ZNF69: variants seen among roughly 807,000 people sequenced by gnomAD.
The protein encoded by ZNF69 is ZNF3.
In ZNF69, 47 loss-of-function variants were observed where a neutral mutation model predicts 50.9. That is an observed-to-expected ratio of 0.92 (90% CI 0.73 to 1.18). The LOEUF (loss-of-function observed/expected upper bound fraction) is 1.18, where lower values mean the gene tolerates loss of function less well. Ranked by LOEUF, ZNF69 falls within the 50% of genes most tolerant of loss-of-function variation. The probability of loss-of-function intolerance (pLI) is 0.00; values close to 1 mark genes in which losing one functional copy is unlikely to be tolerated. For missense variants in ZNF69, 717 were observed against 675.1 expected, an observed-to-expected ratio of 1.06 and a Z score of -0.69; for synonymous variants, 216 against 223.1, an observed-to-expected ratio of 0.97 and a Z score of 0.29.
chr19:11,974,657 C>T, the ZNF69 span, among the ~76,000 whole-genome samples: 3 of 151,820 alleles, frequency 2.0e-5, no homozygotes, highest in East Asian at 3.9e-4. Context: ...GGCTGGAGTG[C>T]GGGGGCATGA....
chr19:11,932,090 T>C, the ZNF69 span, among the ~76,000 whole-genome samples: 157 of 147,408 alleles, frequency 1.1e-3, 18 homozygotes, highest in Admixed American at 2.8e-3. Flanking sequence ...GCCATTGCAC[T>C]TCAGCCCAGG....
In ZNF69 at chr19:11,896,975, T is replaced by A. The variant is rs1972135686; in HGVS notation, c.64-6598T>A. ...CATTTATTTCATTTTATATTGATGTTTTTCAGTGTAGACTTTTTGCATAAT... is the reference window on the plus strand; with the variant it reads ...CATTTATTTCATTTTATATTGATGTATTTCAGTGTAGACTTTTTGCATAAT... On this transcript the variant is annotated intron_variant, in intron 1 of 3. Transcript: ENST00000429654. 2.0e-5 allele frequency among the ~76,000 whole-genome samples: 3 copies of A among 152,330 alleles called. No homozygotes were observed. In the South Asian group the frequency reaches 6.2e-4, roughly 32 times the overall value.
At chr19:11,944,986 C>G in the ZNF69 span, among the ~76,000 whole-genome samples, 1 of 152,244 alleles carries the variant, frequency 6.6e-6, no homozygotes, top group Non-Finnish European at 1.5e-5. Flanking sequence ...CCTGTCCTCC[C>G]TCTGCCTGGA....
At chr19:11,964,390 T>A in the ZNF69 span, among the ~76,000 whole-genome samples, 1 of 152,142 alleles carries the variant, frequency 6.6e-6, no homozygotes, top group African/African-American at 2.4e-5. Context: ...ATAAAGAGAA[T>A]GTGTGAATAT....
rs567916284 is a variant in ZNF69 at position 11,903,612 on chromosome 19, CAGG to C, written c.109_111del (p.Glu37del). 9 of 1,614,018 alleles carry C rather than the reference CAGG, an allele frequency of 5.6e-6. No homozygotes were observed. The highest frequency in any genetic ancestry group is 1.3e-5 in the African/African-American group (1 of 74,912). On this transcript the variant is annotated inframe_deletion, in exon 2 of 4. Coordinates refer to ENST00000429654, the MANE Select transcript of ZNF69 (RefSeq NM_001364730.1). The stretch of plus-strand genomic sequence containing the variant: ...TGATGATGTTGCTGTGAACTTCACC[CAGG>C]AGGAGTGGGCTTTGCTGGATATTTC...
intron 1 of ZNF69, among the ~76,000 whole-genome samples, chr19:11,889,760 G>A (rs1273532814): frequency 6.6e-6 from 1 of 152,206 alleles, no homozygotes; most frequent in Non-Finnish European, 1.5e-5. Flanking sequence ...GCGAGGACCT[G>A]CACCGGCGCT....
intron 1 of ZNF69, among the ~76,000 whole-genome samples, chr19:11,897,600 C>T (rs1972153192): frequency 2.0e-5 from 3 of 147,536 alleles, no homozygotes; most frequent in South Asian, 2.1e-4. Flanking sequence ...GAGTCAGGTG[C>T]GGTAGCTCAC....
the ZNF69 span, among the ~76,000 whole-genome samples, chr19:11,959,283 A>G: frequency 6.6e-6 from 1 of 152,218 alleles, no homozygotes; most frequent in Non-Finnish European, 1.5e-5. Context: ...AGAAGGAAAT[A>G]GTTTTTTAAT....
chr19:11,914,573 T>C (rs557698757), downstream of ZNF69, among the ~76,000 whole-genome samples: 3 of 152,340 alleles, frequency 2.0e-5, no homozygotes, highest in East Asian at 3.9e-4. Flanking sequence ...CTTTCTCTGA[T>C]AATGTGCTGC....
At position 11,904,971 on chromosome 19, in the gene ZNF69, T is replaced by C. The variant is rs1319954179; in HGVS notation, c.574T>C (p.Tyr192His). 8.7e-6 allele frequency: 14 copies of C among 1,614,092 alleles called. No homozygotes were observed. The highest frequency in any genetic ancestry group is 1.3e-5 in the African/African-American group (1 of 74,944). ...PQRDHTGEKPYACKECGKTFI... is the reference protein window; with the variant it reads ...PQRDHTGEKPHACKECGKTFI... Reference sequence around the variant, plus strand: ...AAGGGATCACACTGGAGAGAAACCCTATGCTTGTAAAGAATGTGGAAAAAC... The same window carrying C: ...AAGGGATCACACTGGAGAGAAACCCCATGCTTGTAAAGAATGTGGAAAAAC... Residue 192 changes from tyrosine (Y) to histidine (H), a missense_variant, in exon 4 of 4, where the codon TAT (tyrosine) becomes CAT (histidine). Tyr to His is a moderately conservative substitution (Grantham distance 83). Transcript: ENST00000429654.
the ZNF69 span, among the ~76,000 whole-genome samples, chr19:11,931,853 C>T: frequency 0.11 from 15,855 of 147,652 alleles, 3,141 homozygotes; most frequent in African/African-American, 0.3. Flanking sequence ...CGGTGGCTCG[C>T]GCCTATAATC....
At chr19:11,930,363 G>T in the ZNF69 span, among the ~76,000 whole-genome samples, 2 of 148,494 alleles carry the variant, frequency 1.3e-5, no homozygotes, top group East Asian at 3.9e-4. Context: ...CAGGGAGGTG[G>T]TCACCAGAAT....
At chr19:11,923,029 G>T in the ZNF69 span, among the ~76,000 whole-genome samples, 8 of 152,170 alleles carry the variant, frequency 5.3e-5, no homozygotes, top group African/African-American at 1.9e-4. Flanking sequence ...ACTGCTCAGG[G>T]TGGTCTTCAA....
chr19:11,947,165 ATG>A, the ZNF69 span: 3 of 1,612,668 alleles, frequency 1.9e-6, no homozygotes, highest in Admixed American at 1.7e-5. Flanking sequence ...TCCTCTACAC[ATG>A]TGAGATGTTT....
the ZNF69 span, among the ~76,000 whole-genome samples, chr19:11,924,681 C>A: frequency 6.6e-6 from 1 of 152,090 alleles, no homozygotes; most frequent in African/African-American, 2.4e-5. Context: ...CCAATTCCGG[C>A]CCGCTCGAGG....
At chr19:11,965,180 A>G in the ZNF69 span, 1 of 1,613,836 alleles carries the variant, frequency 6.2e-7, no homozygotes, top group Non-Finnish European at 8.5e-7. Flanking sequence ...AGCTGTAGAG[A>G]GGACCCCAGG....
the ZNF69 span, among the ~76,000 whole-genome samples, chr19:11,930,172 TTC>T: frequency 6.7e-6 from 1 of 148,448 alleles, no homozygotes; most frequent in Non-Finnish European, 1.5e-5. Flanking sequence ...GGTGCTCACC[TTC>T]TCTCTCCTAA....
chr19:11,925,405 T>A, the ZNF69 span: 3 of 1,406,208 alleles, frequency 2.1e-6, no homozygotes, highest in Admixed American at 4.9e-5. Flanking sequence ...CTTGAGCAGT[T>A]CGGCCCTCGG....
At chr19:11,935,936 C>A in the ZNF69 span, among the ~76,000 whole-genome samples, 1 of 152,114 alleles carries the variant, frequency 6.6e-6, no homozygotes, top group Non-Finnish European at 1.5e-5. Context: ...CAGTTCCCAC[C>A]TATGAGTGAG....
Sources: allele counts gnomAD v4.1 joint callset (sites outside exome capture counted in the v4.1 genomes callset), GRCh38; gene constraint gnomAD v4.1.1; transcripts MANE v1.5; gene names NCBI Gene and HGNC (gene_info 2026-07-23, HGNC 2026-07-21).